Variants in APP observed in about 807,000 individuals in gnomAD.
APP encodes amyloid-beta precursor protein.
Under a neutral mutation model 101.4 loss-of-function variants are expected in APP, and 31 were observed. The observed-to-expected ratio is 0.31, with a 90% CI of 0.23 to 0.41. The LOEUF (loss-of-function observed/expected upper bound fraction) is 0.41, where lower values mean the gene tolerates loss of function less well. Among genes scored for constraint, APP ranks in the 10% least tolerant of loss-of-function variants. The probability of loss-of-function intolerance (pLI) is 1.00; values close to 1 mark genes in which losing one functional copy is unlikely to be tolerated. For synonymous variants in APP, 366 were observed against 364.4 expected (o/e 1.00, Z -0.05); for missense variants, 839 against 1,003.7 (o/e 0.84, Z 2.22).
At chr21:26,042,277 T>A (rs2045407642) in intron 5 of APP, among the ~76,000 whole-genome samples, 2 of 152,190 alleles carry the variant, frequency 1.3e-5, no homozygotes, top group Non-Finnish European at 2.9e-5. Context: ...CTCACCTAAT[T>A]TTAAAGACAA....
intron 5 of APP, among the ~76,000 whole-genome samples, chr21:26,041,091 A>G (rs900685163): frequency 6.6e-6 from 1 of 152,176 alleles, no homozygotes; most frequent in African/African-American, 2.4e-5. Context: ...TTTTCGTAAT[A>G]ATTGCCTTCC....
chr21:26,041,803 C>T (rs2045380686), intron 5 of APP, among the ~76,000 whole-genome samples: 1 of 149,196 alleles, frequency 6.7e-6, no homozygotes, highest in South Asian at 2.1e-4. Context: ...TTTTGACATA[C>T]ATGTAGTCCA....
intron 11 of APP, among the ~76,000 whole-genome samples, chr21:25,959,623 T>C (rs1252657900): frequency 1.3e-5 from 2 of 152,210 alleles, no homozygotes; most frequent in Non-Finnish European, 1.5e-5. Flanking sequence ...GTCTCTCAAT[T>C]ACTGTCCTAG....
intron 6 of APP, 130 bp downstream of exon 6, chr21:26,021,710 G>A: frequency 7.5e-7 from 1 of 1,332,400 alleles, no homozygotes; most frequent in South Asian, 1.4e-5. Context: ...ACAAGCATAA[G>A]AAGCCTTTTG....
intron 3 of APP, among the ~76,000 whole-genome samples, chr21:26,069,134 T>A (rs553143710): frequency 6.6e-6 from 1 of 152,240 alleles, no homozygotes; most frequent in South Asian, 2.1e-4. Context: ...ACCCAACCAA[T>A]ATAGGCCCCG....
rs757851929 is a variant in APP at position 25,975,149 on chromosome 21, C to T, written c.1379G>A (p.Arg460Lys). Residue 460 changes from arginine to lysine, a missense_variant, in exon 11 of 18, where the codon AGA (arginine) becomes AAA (lysine). Coordinates refer to ENST00000346798, the MANE Select transcript of APP (RefSeq NM_000484.4). ...RQQLVETHMARVEAMLNDRRR... is the reference protein window; with the variant it reads ...RQQLVETHMAKVEAMLNDRRR... ...GCGGTCATTGAGCATGGCTTCCACTCTGGCCATGTGTGTCTCCACCAGCTG... is the reference window on the plus strand; with the variant it reads ...GCGGTCATTGAGCATGGCTTCCACTTTGGCCATGTGTGTCTCCACCAGCTG... 4 of 1,614,132 alleles carry T rather than the reference C, an allele frequency of 2.5e-6. No individual in the cohort carries two copies. The highest frequency in any genetic ancestry group is 3.4e-6 in the Non-Finnish European group (4 of 1,180,004).
chr21:25,956,950 A>T (rs1355790924), intron 11 of APP, among the ~76,000 whole-genome samples: 1 of 152,118 alleles, frequency 6.6e-6, no homozygotes, highest in Non-Finnish European at 1.5e-5. Context: ...TTAATGTGAG[A>T]TCCACAGGGC....
At chr21:26,025,354 T>C (rs1341740666) in intron 5 of APP, among the ~76,000 whole-genome samples, 2 of 152,236 alleles carry the variant, frequency 1.3e-5, no homozygotes, top group Non-Finnish European at 2.9e-5. Flanking sequence ...TAGCGCTGTT[T>C]TCCAATTTAA....
intron 3 of APP, among the ~76,000 whole-genome samples, chr21:26,074,210 C>T (rs868817184): frequency 6.6e-6 from 1 of 152,002 alleles, no homozygotes; most frequent in Admixed American, 6.6e-5. Context: ...AAAGAGAATG[C>T]CCCCCAAATT....
At chr21:25,902,193 T>TA (rs2038536179) in intron 15 of APP, among the ~76,000 whole-genome samples, 1 of 152,180 alleles carries the variant, frequency 6.6e-6, no homozygotes, top group South Asian at 2.1e-4. Flanking sequence ...AACCTTTTTT[T>TA]AACTTGTTTC....
intron 13 of APP, chr21:25,945,761 C>T: frequency 2.6e-6 from 1 of 387,920 alleles, no homozygotes; most frequent in East Asian, 8.0e-5. Flanking sequence ...GATCAAGGCT[C>T]ACTGCAGCCT....
chr21:25,972,437 G>A (rs2042066285), intron 11 of APP, among the ~76,000 whole-genome samples: 1 of 152,048 alleles, frequency 6.6e-6, no homozygotes, highest in Non-Finnish European at 1.5e-5. Context: ...CCTCAATCCA[G>A]TATTTTTTAC....
chr21:26,001,539 CT>C (rs1301231968), intron 6 of APP, among the ~76,000 whole-genome samples: 1 of 152,236 alleles, frequency 6.6e-6, no homozygotes, highest in Non-Finnish European at 1.5e-5. Flanking sequence ...GAGACAGGGT[CT>C]TGCACTGCCG....
intron 13 of APP, among the ~76,000 whole-genome samples, chr21:25,925,510 A>G (rs1296718237): frequency 2.0e-5 from 3 of 152,158 alleles, no homozygotes; most frequent in African/African-American, 4.8e-5. Context: ...CTGCATGTTA[A>G]TGTGATCCCC....
rs45628434 is a variant in APP, at chr21:26,090,226, G to A, written c.226-154C>T. Among the ~76,000 whole-genome samples the A allele has an allele frequency of 8.5e-5, 13 of 152,252 alleles. No individual in the cohort carries two copies. In the East Asian group the frequency reaches 2.1e-3, roughly 25 times the overall value. ...GCTTTCAAGGTCTCTGACTTTTTCC[G>A]ATTTTAGAACATCTGCATTATATAC... On this transcript the variant is annotated intron_variant, in intron 2 of 17. Transcript: ENST00000346798.
intron 5 of APP, among the ~76,000 whole-genome samples, chr21:26,037,568 A>T (rs2045175114): frequency 1.3e-5 from 2 of 152,202 alleles, no homozygotes; most frequent in Admixed American, 1.3e-4. Context: ...CCAATGAGTT[A>T]TATCTGAGGT....
chr21:26,023,067 A>C (rs1239023274), intron 5 of APP, among the ~76,000 whole-genome samples: 1 of 148,604 alleles, frequency 6.7e-6, no homozygotes, highest in Admixed American at 6.7e-5. Context: ...GGAAGATGAA[A>C]CTGACTTAAG....
chr21:25,882,578 G>A (rs2037061962), intron 17 of APP, among the ~76,000 whole-genome samples: 1 of 151,692 alleles, frequency 6.6e-6, no homozygotes. Context: ...GGCATTTACT[G>A]TCTGCAGGTT....
intron 1 of APP, among the ~76,000 whole-genome samples, chr21:26,132,376 C>T (rs920607688): frequency 2.0e-5 from 3 of 152,108 alleles, no homozygotes; most frequent in Admixed American, 1.3e-4. Context: ...GTACTTTGCA[C>T]CCATTAGACA....
Sources: gnomAD v4.1 joint callset for allele counts (sites outside exome capture counted in the v4.1 genomes callset) on GRCh38, gnomAD v4.1.1 for gene constraint, MANE v1.5 for transcripts, NCBI Gene and HGNC (gene_info 2026-07-23, HGNC 2026-07-21) for gene names.